Variants in OXA1L observed in about 807,000 individuals in gnomAD.
OXA1L encodes the protein OXA1L mitochondrial inner membrane insertase.
A neutral mutation model predicts 52.2 loss-of-function variants in OXA1L; 42 were observed. The ratio of observed to expected loss-of-function variants is 0.80; its 90% CI spans 0.63 to 1.04. OXA1L has a LOEUF of 1.04. OXA1L is among the 50% of genes least tolerant of loss of function. OXA1L has a pLI of 0.00. For synonymous variants in OXA1L, 239 were observed against 201.9 expected, an observed-to-expected ratio of 1.18 and a Z score of -1.56; for missense variants, 572 against 555.0, an observed-to-expected ratio of 1.03 and a Z score of -0.31.
chr14:22,766,836 G>T, intron 1 of OXA1L, 72 bp downstream of exon 1: 1 of 1,595,310 alleles, frequency 6.3e-7, no homozygotes, highest in Non-Finnish European at 8.5e-7. Flanking sequence ...GACAGCTCGT[G>T]CTAGGGGTAT....
chr14:22,771,166 A>G lies in OXA1L; in HGVS notation c.1088A>G (p.Glu363Gly), dbSNP rs2038456971. Residue 363 changes from glutamate to glycine, a missense_variant, in exon 8 of 10, where the codon GAG (glutamate) becomes GGG (glycine). Glu to Gly is a moderately conservative substitution (Grantham distance 98). Transcript: ENST00000612549. ...DKLPPREGFLESFKKGWKNAE... is the reference protein window; with the variant it reads ...DKLPPREGFLGSFKKGWKNAE... Reference sequence around the variant, plus strand: ...TTACCTCCACGGGAAGGCTTCCTAGAGAGCTTCAAAAAAGGTAAGGGCTCA... The same window carrying G: ...TTACCTCCACGGGAAGGCTTCCTAGGGAGCTTCAAAAAAGGTAAGGGCTCA... 6.2e-7 allele frequency: 1 copy of G among 1,614,138 alleles called. No homozygotes were observed.
At chr14:22,769,957 G>A (rs201888583) in intron 4 of OXA1L, 23 bp downstream of exon 4, 266 of 1,613,078 alleles carry the variant, frequency 1.6e-4, no homozygotes, top group African/African-American at 1.4e-3. Flanking sequence ...CAGAATGAGC[G>A]TGGGAGAAGT....
intron 2 of OXA1L, 174 bp from the exon 3 acceptor site, chr14:22,767,784 A>T (rs907210912): frequency 9.1e-6 from 5 of 551,468 alleles, no homozygotes; most frequent in Non-Finnish European, 9.5e-6. Context: ...TTCTCTTCCT[A>T]ACTATTGATA....
In OXA1L at chr14:22,770,575, A is replaced by T; in HGVS notation, c.784A>T (p.Ile262Phe). Residue 262 changes from isoleucine (I) to phenylalanine (F), a missense_variant, in exon 6 of 10, where the codon ATC (isoleucine) becomes TTC (phenylalanine). This residue lies in a region of OXA1L where 244 missense variants were observed against 240.2 expected (regional missense o/e 1.02). Coordinates refer to ENST00000612549, the MANE Select transcript of OXA1L (RefSeq NM_005015.5). ...WFQDLTVSDP[I>F]YILPLAVTAT... Reference sequence around the variant, plus strand: ...CCAGGATCTCACGGTATCCGATCCCATCTACATATTACCACTGGCAGTCAC... The same window carrying T: ...CCAGGATCTCACGGTATCCGATCCCTTCTACATATTACCACTGGCAGTCAC... The T allele has an allele frequency of 6.2e-7, 1 of 1,614,056 alleles. No individual in the cohort carries two copies.
In OXA1L at chr14:22,770,938, A is replaced by T. The variant is rs1295442257; in HGVS notation, c.939+29A>T. ...TGTAATGCCTTATGGGCTGGCTCCA[A>T]GGCCTTCTGCCTAGCCTAGCCACCT... On this transcript the variant is annotated intron_variant, in intron 7 of 9. Transcript: ENST00000612549. The T allele has an allele frequency of 2.5e-6, 4 of 1,612,706 alleles. No individual in the cohort carries two copies. The African/African-American group carries it at 5.3e-5, about 22-fold the overall frequency.
At chr14:22,769,721 C>G (rs1031021957) in intron 3 of OXA1L, 70 bp from the exon 4 acceptor site, 27 of 1,548,738 alleles carry the variant, frequency 1.7e-5, no homozygotes, top group Non-Finnish European at 2.4e-5. Flanking sequence ...CAGTAAGGAC[C>G]TAAAAGCCTT....
At chr14:22,769,689 C>T in intron 3 of OXA1L, 102 bp from the exon 4 acceptor site, 1 of 1,247,726 alleles carries the variant, frequency 8.0e-7, no homozygotes, top group East Asian at 2.3e-5. Context: ...ATAGAATGGA[C>T]AAGGCAAGAA....
At chr14:22,766,927 C>A in intron 1 of OXA1L, 163 bp downstream of exon 1, 2 of 1,512,024 alleles carry the variant, frequency 1.3e-6, no homozygotes, top group Non-Finnish European at 1.8e-6. Flanking sequence ...TAGTCCCCGA[C>A]ACTATGGGCC....
Position 22,767,377 on chromosome 14 carries a change from A to C in OXA1L, c.193A>C (p.Ser65Arg). The C allele has an allele frequency of 6.2e-7, 1 of 1,613,462 alleles. No individual in the cohort carries two copies. The highest frequency in any genetic ancestry group is 8.5e-7 in the Non-Finnish European group (1 of 1,179,732). ...FLAASGPRSL[S>R]TSAISFAEVQ... ...TGCGGCTTCCGGCCCCCGCAGCCTC[A>C]GTACCTCTGCTATCTCTTTTGCAGA... is the stretch of plus-strand genomic sequence containing the variant. The change falls in exon 2 of 10, where the codon AGT (serine) becomes CGT (arginine). Residue 65 changes from serine (S) to arginine (R), a missense_variant. This residue lies in a region of OXA1L where 186 missense variants were observed against 151.8 expected (regional missense o/e 1.23). Transcript: ENST00000612549.
At chr14:22,766,927 C>T (rs1055774523) in intron 1 of OXA1L, 163 bp downstream of exon 1, 18 of 1,512,026 alleles carry the variant, frequency 1.2e-5, no homozygotes, top group South Asian at 6.2e-5. Context: ...TAGTCCCCGA[C>T]ACTATGGGCC....
At chr14:22,769,323 C>G (rs1175666490) in intron 3 of OXA1L, among the ~76,000 whole-genome samples, 1 of 152,190 alleles carries the variant, frequency 6.6e-6, no homozygotes, top group Admixed American at 6.5e-5. Context: ...TCTGTGCTTG[C>G]CTTATTTCAC....
rs961339503 is a variant in OXA1L, at chr14:22,768,091, C to G, written c.359C>G (p.Thr120Ser). ...GCTGAACTGGGGCTGGGGTCATACA[C>G]CCCAGTGGGACTGATCCAGAATTTA... Reference protein sequence around the residue: ...SFAELGLGSYTPVGLIQNLLE... With the variant: ...SFAELGLGSYSPVGLIQNLLE... The change falls in exon 3 of 10, where the codon ACC (threonine) becomes AGC (serine). Residue 120 changes from threonine (T) to serine (S), a missense_variant. By Grantham distance (58) the Thr-to-Ser change is moderately conservative. This residue lies in a region of OXA1L where 5 missense variants were observed against 18.6 expected (regional missense o/e 0.27). Coordinates refer to ENST00000612549, the MANE Select transcript of OXA1L (RefSeq NM_005015.5). 11 of 1,614,020 alleles carry G rather than the reference C, an allele frequency of 6.8e-6. No homozygotes were observed. Among genetic ancestry groups the G allele is most frequent in the Non-Finnish European group, 9.3e-6 (11 of 1,180,014 alleles).
chr14:22,770,420 C>T lies in OXA1L; in HGVS notation c.670-41C>T, dbSNP rs149123844. Reference sequence around the variant, plus strand: ...AGTAGTGGGGTGATGAAAATGTTCTCTCTGGTAAAGCATGCTGACACTGTT... The same window carrying T: ...AGTAGTGGGGTGATGAAAATGTTCTTTCTGGTAAAGCATGCTGACACTGTT... On this transcript the variant is annotated intron_variant, in intron 5 of 9. Coordinates refer to ENST00000612549, the MANE Select transcript of OXA1L (RefSeq NM_005015.5). 150 of 1,602,702 alleles carry T rather than the reference C, an allele frequency of 9.4e-5. No individual in the cohort carries two copies. In the African/African-American group the frequency reaches 1.9e-3, roughly 20 times the overall value.
intron 3 of OXA1L, 160 bp downstream of exon 3, chr14:22,768,331 A>G (rs1207498135): frequency 1.3e-5 from 8 of 613,750 alleles, no homozygotes; most frequent in South Asian, 3.8e-5. Flanking sequence ...CACTCTGCCT[A>G]TATTTCTTAA....
At chr14:22,770,689 T>C in intron 6 of OXA1L, 64 bp downstream of exon 6, 2 of 1,569,152 alleles carry the variant, frequency 1.3e-6, no homozygotes, top group Non-Finnish European at 1.8e-6. Context: ...GTAAAGTAGT[T>C]GTACAGAATG....
In OXA1L at chr14:22,771,478, G is replaced by A. The variant is rs781506487; in HGVS notation, c.1228G>A (p.Gly410Arg). Residue 410 changes from glycine (G) to arginine (R), a missense_variant, in exon 10 of 10, where the codon GGA (glycine) becomes AGA (arginine). By Grantham distance (125) the Gly-to-Arg change is moderately radical. This residue lies in a region of OXA1L where 244 missense variants were observed against 240.2 expected (regional missense o/e 1.02). Coordinates refer to ENST00000612549, the MANE Select transcript of OXA1L (RefSeq NM_005015.5). ...TACCCACAACCCTCTCCTACAACCT[G>A]GAAAGGATAACCCTCCCAATATCCC... ...TFTHNPLLQPGKDNPPNIPSS... is the reference protein window; with the variant it reads ...TFTHNPLLQPRKDNPPNIPSS... 2 of 1,613,572 alleles carry A rather than the reference G, an allele frequency of 1.2e-6. No homozygotes were observed. Among genetic ancestry groups the A allele is most frequent in the South Asian group, 2.2e-5 (2 of 91,026 alleles).
At chr14:22,766,932 T>A (rs1594937423) in intron 1 of OXA1L, 168 bp downstream of exon 1, 2 of 1,513,282 alleles carry the variant, frequency 1.3e-6, no homozygotes, top group African/African-American at 1.4e-5. Context: ...CCCGACACTA[T>A]GGGCCCAGCA....
At chr14:22,769,172 C>T (rs4981436) in intron 3 of OXA1L, among the ~76,000 whole-genome samples, 131,280 of 152,098 alleles carry the variant, frequency 0.86, 56,757 homozygotes, top group East Asian at 0.95. Flanking sequence ...CTTATTCTAA[C>T]TTTTTTTTAC....
rs2038424678 is a variant in OXA1L at position 22,768,007 on chromosome 14, C to T, written c.275C>T (p.Pro92Leu). Residue 92 changes from proline (P) to leucine (L), a missense_variant, in exon 3 of 10, where the codon CCT becomes CTT. Physicochemically the swap from Pro to Leu is moderately conservative, Grantham distance 98. Coordinates refer to ENST00000612549, the MANE Select transcript of OXA1L (RefSeq NM_005015.5). ...GCAACTCCCTCACCCACAGCAGTACCTGAGGTGGCTTCTGGAGAGACTGCA... is the reference window on the plus strand; with the variant it reads ...GCAACTCCCTCACCCACAGCAGTACTTGAGGTGGCTTCTGGAGAGACTGCA... ...VAATPSPTAV[P>L]EVASGETADV... is the part of the protein sequence containing the mutation. 6.2e-7 allele frequency: 1 copy of T among 1,614,206 alleles called. No homozygotes were observed. Among genetic ancestry groups the T allele is most frequent in the Non-Finnish European group, 8.5e-7 (1 of 1,180,020 alleles).
Sources: allele counts gnomAD v4.1 joint callset (sites outside exome capture counted in the v4.1 genomes callset), GRCh38; gene constraint gnomAD v4.1.1; regional missense constraint gnomAD v4.1.1; transcripts MANE v1.5; gene names NCBI Gene and HGNC (gene_info 2026-07-23, HGNC 2026-07-21).